The following LGR5 variants were observed in gnomAD, a reference collection of about 807,000 sequenced individuals.
LGR5 encodes the protein leucine rich repeat containing G protein-coupled receptor 5.
In LGR5, 54 loss-of-function variants were observed where a neutral mutation model predicts 76.7. The ratio of observed to expected loss-of-function variants is 0.70; its 90% CI spans 0.57 to 0.88. The LOEUF (loss-of-function observed/expected upper bound fraction) is 0.88, where lower values mean the gene tolerates loss of function less well. Ranked by LOEUF, LGR5 falls within the 40% of genes least tolerant of loss-of-function variation. LGR5 has a pLI of 0.00. For synonymous variants in LGR5, 406 were observed against 421.9 expected (o/e 0.96, Z 0.46); for missense variants, 1,078 against 1,073.3 (o/e 1.00, Z -0.06).
upstream of LGR5, chr12:71,439,650 C>G: frequency 5.3e-6 from 1 of 189,994 alleles, no homozygotes; most frequent in Non-Finnish European, 1.1e-5. Flanking sequence ...TGCCTCCCAG[C>G]CCAGGACTTG....
At chr12:71,552,954 C>T (rs570087579) in intron 4 of LGR5, 119 bp from the exon 5 acceptor site, 82 of 783,036 alleles carry the variant, frequency 1.0e-4, no homozygotes, top group Non-Finnish European at 1.6e-4. Flanking sequence ...TCAGGGCTCT[C>T]GGGGACCCCA....
chr12:71,545,042 C>T (rs1032703178), intron 4 of LGR5, among the ~76,000 whole-genome samples: 5 of 152,214 alleles, frequency 3.3e-5, no homozygotes, highest in African/African-American at 1.2e-4. Context: ...GAAGCCGAGG[C>T]AGGAGGATTG....
At chr12:71,534,258 A>G (rs1406960564) in intron 3 of LGR5, among the ~76,000 whole-genome samples, 6 of 152,222 alleles carry the variant, frequency 3.9e-5, no homozygotes, top group African/African-American at 1.4e-4. Flanking sequence ...ATTTGTTTCC[A>G]TGCTATTTCC....
intron 2 of LGR5, 98 bp downstream of exon 2, chr12:71,504,783 G>A: frequency 9.8e-7 from 1 of 1,024,406 alleles, no homozygotes; most frequent in Non-Finnish European, 1.6e-6. Context: ...AAACAAGGCA[G>A]AAAACCTGTC....
At chr12:71,574,061 C>G (rs938280025) in intron 13 of LGR5, among the ~76,000 whole-genome samples, 4 of 151,664 alleles carry the variant, frequency 2.6e-5, no homozygotes, top group Admixed American at 2.6e-4. Context: ...CAAGTCAGTT[C>G]TATATTAAAA....
At chr12:71,571,444 G>A in intron 11 of LGR5, 70 bp from the exon 12 acceptor site, 1 of 1,161,884 alleles carries the variant, frequency 8.6e-7, no homozygotes. Flanking sequence ...GAGGGAAAAG[G>A]AGAGCAAAGC....
chr12:71,471,411 T>C (rs1339863801), intron 1 of LGR5, among the ~76,000 whole-genome samples: 1 of 152,212 alleles, frequency 6.6e-6, no homozygotes, highest in African/African-American at 2.4e-5. Context: ...AAATCTATTC[T>C]GACAGAACTA....
At chr12:71,487,905 C>G (rs1263980033) in intron 1 of LGR5, among the ~76,000 whole-genome samples, 1 of 152,170 alleles carries the variant, frequency 6.6e-6, no homozygotes, top group Non-Finnish European at 1.5e-5. Flanking sequence ...ATAAAATCAA[C>G]AGTAGTTATA....
At chr12:71,501,186 A>T (rs139953597) in intron 1 of LGR5, among the ~76,000 whole-genome samples, 2 of 152,354 alleles carry the variant, frequency 1.3e-5, no homozygotes, top group East Asian at 3.9e-4. Flanking sequence ...TTATGTGTGT[A>T]CCAGGTGTCA....
intron 5 of LGR5, among the ~76,000 whole-genome samples, chr12:71,554,021 G>T (rs1022599755): frequency 1.3e-5 from 2 of 152,138 alleles, no homozygotes; most frequent in African/African-American, 2.4e-5. Context: ...AACCCAGGTT[G>T]CAGTGAGCCA....
intron 1 of LGR5, among the ~76,000 whole-genome samples, chr12:71,498,596 C>T (rs935906640): frequency 1.3e-5 from 2 of 152,198 alleles, no homozygotes; most frequent in African/African-American, 4.8e-5. Context: ...ACACTAATCT[C>T]ATCATGGGGG....
rs181098079 is a variant in LGR5 at position 71,477,636 on chromosome 12, T to C, written c.213-26978T>C. 2.7e-4 allele frequency among the ~76,000 whole-genome samples: 41 copies of C among 152,252 alleles called. 1 individual carries two copies. The East Asian group carries it at 7.5e-3, about 28-fold the overall frequency. On this transcript the variant is annotated intron_variant, in intron 1 of 17. Transcript: ENST00000266674. Reference sequence around the variant, plus strand: ...AACTACACCCTTTTGTATGAATTGATAAAATCCTTATCTTACTGCTGATAA... The same window carrying C: ...AACTACACCCTTTTGTATGAATTGACAAAATCCTTATCTTACTGCTGATAA...
At chr12:71,512,695 G>T (rs543774672) in intron 2 of LGR5, among the ~76,000 whole-genome samples, 1 of 152,202 alleles carries the variant, frequency 6.6e-6, no homozygotes, top group Non-Finnish European at 1.5e-5. Flanking sequence ...TCTGAATAGG[G>T]TTATGAAATC....
In LGR5 at chr12:71,468,504, A is replaced by G. The variant is rs1054221633; in HGVS notation, c.212+28212A>G. Among the ~76,000 whole-genome samples the G allele has an allele frequency of 3.3e-5, 5 of 152,184 alleles. No homozygotes were observed. In the East Asian group the frequency reaches 9.6e-4, roughly 29 times the overall value. ...TAATCAAGGCATTATCTAGGCTCTG[A>G]AAAAGTCTTCAGTGGTCCTACCTAA... On this transcript the variant is annotated intron_variant, in intron 1 of 17. Coordinates refer to ENST00000266674, the MANE Select transcript of LGR5 (RefSeq NM_003667.4).
intron 2 of LGR5, among the ~76,000 whole-genome samples, chr12:71,519,919 T>TA (rs1410970341): frequency 2.6e-5 from 4 of 151,766 alleles, no homozygotes; most frequent in Non-Finnish European, 4.4e-5. Flanking sequence ...CATGGGATAT[T>TA]AAAAAAATAG....
rs1205415910 is a variant in LGR5 at position 71,553,175 on chromosome 12, C to T, written c.531C>T (p.Ile177=). 1 of 1,613,958 alleles carries T rather than the reference C, an allele frequency of 6.2e-7. No individual in the cohort carries two copies. The highest frequency in any genetic ancestry group is 1.3e-5 in the African/African-American group (1 of 74,892). The change falls in exon 5 of 18, where the codon ATC becomes ATT. Residue 177 remains isoleucine, a synonymous_variant. Transcript: ENST00000266674. The stretch of plus-strand genomic sequence containing the variant: ...TGGATGACAATGCGTTAACAGAAAT[C>T]CCCGTCCAGGCTTTTAGAAGTTTAT... ...LWLDDNALTE[I]PVQAFRSLSA...
Position 71,578,921 on chromosome 12 carries a change from A to G in LGR5, c.1398A>G (p.Pro466=). Residue 466 remains proline (P), a synonymous_variant, in exon 15 of 18, where the codon CCA becomes CCG. Coordinates refer to ENST00000266674, the MANE Select transcript of LGR5 (RefSeq NM_003667.4). Reference sequence around the variant, plus strand: ...GCTTGATATCATCTGAAAACTTTCCAGAACTCAAGTGAGTTTGTCATTAAA... The same window carrying G: ...GCTTGATATCATCTGAAAACTTTCCGGAACTCAAGTGAGTTTGTCATTAAA... The part of the protein sequence containing the change: ...LQSLISSENF[P]ELKVIEMPYA... 1 of 1,599,494 alleles carries G rather than the reference A, an allele frequency of 6.3e-7. No homozygotes were observed. Among genetic ancestry groups the G allele is most frequent in the South Asian group, 1.1e-5 (1 of 87,676 alleles).
intron 2 of LGR5, among the ~76,000 whole-genome samples, chr12:71,524,050 A>G (rs1875856065): frequency 6.6e-6 from 1 of 152,232 alleles, no homozygotes; most frequent in Non-Finnish European, 1.5e-5. Flanking sequence ...GAATAGTTGT[A>G]AAACTCGTGA....
intron 8 of LGR5, 149 bp downstream of exon 8, chr12:71,562,001 C>G (rs1335791090): frequency 6.9e-6 from 3 of 435,244 alleles, no homozygotes; most frequent in African/African-American, 4.1e-5. Context: ...ATGCATTTTG[C>G]CAGGTTCTAG....
Sources: gnomAD v4.1 joint callset for allele counts (sites outside exome capture counted in the v4.1 genomes callset) on GRCh38, gnomAD v4.1.1 for gene constraint, MANE v1.5 for transcripts, NCBI Gene and HGNC (gene_info 2026-07-23, HGNC 2026-07-21) for gene names.